PTK2B: variants seen among roughly 807,000 people sequenced by gnomAD.
The protein encoded by PTK2B is protein-tyrosine kinase 2-beta.
Under a neutral mutation model 142.9 loss-of-function variants are expected in PTK2B, and 71 were observed. The observed-to-expected ratio is 0.50, with a 90% CI of 0.41 to 0.61. The LOEUF is 0.61. PTK2B is among the 20% of genes least tolerant of loss of function. PTK2B has a pLI of 0.00. For synonymous variants in PTK2B, 519 were observed against 503.4 expected (o/e 1.03, Z -0.42); for missense variants, 1,105 against 1,320.4 (o/e 0.84, Z 2.53).
rs368809395 is a variant in PTK2B, at chr8:27,434,440, C to G, written c.1146-73C>G. ...CTCCACAGGGGGCAGGAGGAGAGGG[C>G]GGGCCGAGGCTGCCCAGGGGAACAT... On this transcript the variant is annotated intron_variant, in intron 12 of 30. Coordinates refer to ENST00000346049, the MANE Select transcript of PTK2B (RefSeq NM_173176.3). 14 of 1,468,306 alleles carry G rather than the reference C, an allele frequency of 9.5e-6. No homozygotes were observed. The African/African-American group carries it at 9.8e-5, about 10-fold the overall frequency. The allele number at this position is 1,468,306 out of a possible 1,614,324, so 91.0% of individuals were successfully genotyped here. A position where few individuals can be genotyped will look rare whatever the true frequency, so the allele number is the denominator to read the frequency against.
intron 1 of PTK2B, among the ~76,000 whole-genome samples, chr8:27,380,109 T>C (rs1440033100): frequency 9.2e-5 from 14 of 152,194 alleles, no homozygotes. Flanking sequence ...TTGCTGAGCT[T>C]TCTGTCCATA....
intron 1 of PTK2B, among the ~76,000 whole-genome samples, chr8:27,364,021 C>G (rs1442416470): frequency 6.6e-6 from 1 of 152,190 alleles, no homozygotes; most frequent in Admixed American, 6.5e-5. Flanking sequence ...CTGGGGCTCT[C>G]CACACACTCT....
At chr8:27,387,301 G>A (rs1298201886) in intron 1 of PTK2B, among the ~76,000 whole-genome samples, 1 of 152,184 alleles carries the variant, frequency 6.6e-6, no homozygotes, top group African/African-American at 2.4e-5. Context: ...AAATGGGAGA[G>A]CAGCCTGCCT....
intron 1 of PTK2B, among the ~76,000 whole-genome samples, chr8:27,383,547 C>G (rs1807157418): frequency 6.6e-6 from 1 of 152,106 alleles, no homozygotes; most frequent in Admixed American, 6.6e-5. Flanking sequence ...GTGTGAGCCA[C>G]CGCGCCTGGC....
At chr8:27,386,905 T>G (rs1586211074) in intron 1 of PTK2B, among the ~76,000 whole-genome samples, 1 of 152,142 alleles carries the variant, frequency 6.6e-6, no homozygotes, top group African/African-American at 2.4e-5. Flanking sequence ...TCACCTACTT[T>G]TTTTTCTGTT....
At position 27,437,251 on chromosome 8, in the gene PTK2B, T is replaced by A. The variant is rs762045013; in HGVS notation, c.1426+45T>A. The A allele has an allele frequency of 1.6e-5, 25 of 1,581,112 alleles. No individual in the cohort carries two copies. The South Asian group carries it at 2.8e-4, about 18-fold the overall frequency. On this transcript the variant is annotated intron_variant, in intron 16 of 30. Transcript: ENST00000346049. ...ACCAGGCCTCCAAGATGGGAGGGGC[T>A]TCAGCCTGGGAAGAGAGGGGTGAAC...
At chr8:27,365,751 G>GCTCC (rs1282020523) in intron 1 of PTK2B, among the ~76,000 whole-genome samples, 1 of 152,148 alleles carries the variant, frequency 6.6e-6, no homozygotes, top group Non-Finnish European at 1.5e-5. Context: ...AGTAGCCTGT[G>GCTCC]CTCCCTCCTA....
intron 2 of PTK2B, among the ~76,000 whole-genome samples, chr8:27,412,719 A>G (rs1382400861): frequency 6.6e-6 from 1 of 152,196 alleles, no homozygotes; most frequent in Non-Finnish European, 1.5e-5. Context: ...AATGAATTTC[A>G]ACCCCAAGGA....
At position 27,431,263 on chromosome 8, in the gene PTK2B, G is replaced by A. The variant is rs1810400924; in HGVS notation, c.811-135G>A. On this transcript the variant is annotated intron_variant, in intron 8 of 30. Transcript: ENST00000346049. The stretch of plus-strand genomic sequence containing the variant: ...GTGTCAGGAGGGGAAGATCCATATG[G>A]CCAGGGTTTCGGTGAGAAGGAGCTG... 1.9e-6 allele frequency: 3 copies of A among 1,541,678 alleles called. No individual in the cohort carries two copies. In the South Asian group the frequency reaches 3.7e-5, roughly 19 times the overall value.
In PTK2B at chr8:27,393,912, G is replaced by A. The variant is rs1401666042; in HGVS notation, c.-37-3636G>A. Among the ~76,000 whole-genome samples the A allele has an allele frequency of 2.6e-5, 4 of 152,046 alleles. No homozygotes were observed. The East Asian group carries it at 7.7e-4, about 29-fold the overall frequency. On this transcript the variant is annotated intron_variant, in intron 1 of 30. Coordinates refer to ENST00000346049, the MANE Select transcript of PTK2B (RefSeq NM_173176.3). The stretch of plus-strand genomic sequence containing the variant: ...TAGATACAGTATATCCTGAAGCTGG[G>A]ACCTGCTGTATGTGTGTTGCCTCCA...
chr8:27,311,304 G>A (rs1340473215), upstream of PTK2B: 2 of 1,431,140 alleles, frequency 1.4e-6, no homozygotes, highest in Non-Finnish European at 9.2e-7. Context: ...GGCTGCCAAC[G>A]CCCGCGACCC....
Position 27,400,653 on chromosome 8 carries a change from G to C in PTK2B, c.204+2865G>C, listed in dbSNP as rs181053801. On this transcript the variant is annotated intron_variant, in intron 2 of 30. Coordinates refer to ENST00000346049, the MANE Select transcript of PTK2B (RefSeq NM_173176.3). ...GGAGGGAAAGAAAGGAAGGAGAAAA[G>C]GATGACTCAAGCTTTTGCTTGGGCG... 1.5e-3 allele frequency among the ~76,000 whole-genome samples: 223 copies of C among 152,248 alleles called. 1 individual carries two copies. Among genetic ancestry groups the C allele is most frequent in the African/African-American group, 5.2e-3 (214 of 41,538 alleles).
chr8:27,422,177 TG>T, intron 4 of PTK2B, 126 bp from the exon 5 acceptor site: 1 of 806,112 alleles, frequency 1.2e-6, no homozygotes, highest in Non-Finnish European at 1.9e-6. Context: ...GCTCCATGCT[TG>T]TTTGTGGTGG....
At chr8:27,444,915 T>C (rs4733060) in intron 23 of PTK2B, among the ~76,000 whole-genome samples, 129,442 of 152,020 alleles carry the variant, frequency 0.85, 55,483 homozygotes, top group Middle Eastern at 0.94. Context: ...TATAGAAAGG[T>C]GGTGTCCCAT....
At chr8:27,345,455 A>G (rs1586125414) in intron 1 of PTK2B, among the ~76,000 whole-genome samples, 1 of 152,182 alleles carries the variant, frequency 6.6e-6, no homozygotes, top group South Asian at 2.1e-4. Flanking sequence ...CACAGCGAGG[A>G]CCTGCCTATC....
chr8:27,312,712 G>C (rs1021607961), intron 2 of PTK2B, among the ~76,000 whole-genome samples: 2 of 152,086 alleles, frequency 1.3e-5, no homozygotes, highest in African/African-American at 4.8e-5. Flanking sequence ...TTTTCCCCAA[G>C]GCAGGTCATA....
chr8:27,391,457 C>T (rs975859061), intron 1 of PTK2B, among the ~76,000 whole-genome samples: 4 of 152,226 alleles, frequency 2.6e-5, no homozygotes, highest in Admixed American at 2.0e-4. Context: ...TCAGCATCCC[C>T]TCTGGTGTCT....
intron 1 of PTK2B, among the ~76,000 whole-genome samples, chr8:27,394,846 T>C (rs1157185559): frequency 1.3e-5 from 2 of 152,188 alleles, no homozygotes; most frequent in South Asian, 2.1e-4. Flanking sequence ...TTTTTTTTAC[T>C]TTTTAAACGT....
intron 27 of PTK2B, 41 bp from the exon 28 acceptor site, chr8:27,453,073 T>G: frequency 6.2e-7 from 1 of 1,610,034 alleles, no homozygotes. Context: ...AGGGTTGGAG[T>G]GCTGAGAACT....
Sources: allele counts gnomAD v4.1 joint callset (sites outside exome capture counted in the v4.1 genomes callset), GRCh38; gene constraint gnomAD v4.1.1; transcripts MANE v1.5; gene names NCBI Gene and HGNC (gene_info 2026-07-23, HGNC 2026-07-21).